CTNNA3: variants seen among roughly 807,000 people sequenced by gnomAD.
CTNNA3 encodes catenin alpha 3.
A neutral mutation model predicts 95.7 loss-of-function variants in CTNNA3; 76 were observed. The ratio of observed to expected loss-of-function variants is 0.79; its 90% CI spans 0.66 to 0.96. The LOEUF is 0.96. CTNNA3 is among the 40% of genes least tolerant of loss of function. The probability of loss-of-function intolerance (pLI) is 0.00; values close to 1 mark genes in which losing one functional copy is unlikely to be tolerated. For synonymous variants in CTNNA3, 431 were observed against 374.4 expected, an observed-to-expected ratio of 1.15 and a Z score of -1.74; for missense variants, 1,191 against 1,089.8, an observed-to-expected ratio of 1.09 and a Z score of -1.31.
At chr10:67,241,378 A>T (rs867788873) in intron 5 of CTNNA3, among the ~76,000 whole-genome samples, 43 of 152,166 alleles carry the variant, frequency 2.8e-4, no homozygotes, top group Middle Eastern at 3.4e-3. Flanking sequence ...AGCCAAGATC[A>T]TGCCACTGCC....
At chr10:67,488,939 T>C (rs1222330402) in intron 5 of CTNNA3, among the ~76,000 whole-genome samples, 2 of 152,174 alleles carry the variant, frequency 1.3e-5, no homozygotes, top group East Asian at 3.9e-4. Flanking sequence ...TTTCGCCATG[T>C]TGCCCAGGCT....
At chr10:67,295,263 A>G (rs996006529) in intron 5 of CTNNA3, among the ~76,000 whole-genome samples, 3 of 152,148 alleles carry the variant, frequency 2.0e-5, no homozygotes, top group Non-Finnish European at 2.9e-5. Flanking sequence ...AAAATACTCA[A>G]AAGAAAATTC....
chr10:67,143,258 T>C (rs141146191), intron 7 of CTNNA3, among the ~76,000 whole-genome samples: 46 of 151,570 alleles, frequency 3.0e-4, no homozygotes, highest in Non-Finnish European at 5.2e-4. Flanking sequence ...CTTGCCAACA[T>C]GGCAAAACAC....
intron 13 of CTNNA3, among the ~76,000 whole-genome samples, chr10:66,157,094 T>C (rs2084548361): frequency 6.6e-6 from 1 of 151,948 alleles, no homozygotes; most frequent in Non-Finnish European, 1.5e-5. Context: ...ATTGGTTACA[T>C]CAGTAAGTTC....
At chr10:66,051,013 C>CCAGCT (rs1025059459) in intron 15 of CTNNA3, among the ~76,000 whole-genome samples, 4 of 151,932 alleles carry the variant, frequency 2.6e-5, no homozygotes, top group African/African-American at 4.8e-5. Context: ...GCTACCATGC[C>CCAGCT]CAGCTAATAT....
chr10:66,774,130 T>C (rs1177627462), intron 8 of CTNNA3, among the ~76,000 whole-genome samples: 1 of 152,152 alleles, frequency 6.6e-6, no homozygotes, highest in Admixed American at 6.6e-5. Context: ...GTAGATTAGC[T>C]CTTTATGCAT....
chr10:65,941,027 A>T (rs2077422278), intron 17 of CTNNA3, among the ~76,000 whole-genome samples: 1 of 152,236 alleles, frequency 6.6e-6, no homozygotes, highest in African/African-American at 2.4e-5. Flanking sequence ...TAAGAAAAAG[A>T]AGATTACTTA....
chr10:66,636,413 AT>A (rs1845339369), intron 9 of CTNNA3, among the ~76,000 whole-genome samples: 1 of 151,970 alleles, frequency 6.6e-6, no homozygotes, highest in Non-Finnish European at 1.5e-5. Flanking sequence ...AATCTTAGTA[AT>A]TTTTTTAAAT....
chr10:67,038,113 ATGAG>A (rs1854176791), intron 7 of CTNNA3, among the ~76,000 whole-genome samples: 1 of 152,140 alleles, frequency 6.6e-6, no homozygotes, highest in Non-Finnish European at 1.5e-5. Context: ...TACTGTTTAT[ATGAG>A]TATTGTAGAG....
At chr10:67,350,724 T>C (rs1256893177) in intron 5 of CTNNA3, among the ~76,000 whole-genome samples, 1 of 151,732 alleles carries the variant, frequency 6.6e-6, no homozygotes, top group Admixed American at 6.6e-5. Flanking sequence ...GTAAAGCAAC[T>C]GGAGCTCTCA....
chr10:67,125,633 G>C (rs947029973), intron 7 of CTNNA3, among the ~76,000 whole-genome samples: 1 of 152,134 alleles, frequency 6.6e-6, no homozygotes, highest in Non-Finnish European at 1.5e-5. Context: ...GAAGAGAATA[G>C]AATCTACAGT....
intron 10 of CTNNA3, among the ~76,000 whole-genome samples, chr10:66,620,081 G>A (rs1844690736): frequency 6.6e-6 from 1 of 152,098 alleles, no homozygotes; most frequent in South Asian, 2.1e-4. Context: ...ATATCTGTAT[G>A]TTGAATAATA....
chr10:67,617,766 CTTT>C (rs60151492), intron 2 of CTNNA3, among the ~76,000 whole-genome samples: 2 of 138,284 alleles, frequency 1.4e-5, no homozygotes, highest in African/African-American at 2.6e-5. Flanking sequence ...CCAGCATCTG[CTTT>C]TTTTTTTTTT....
At chr10:66,604,102 G>A (rs570496540) in intron 10 of CTNNA3, among the ~76,000 whole-genome samples, 21 of 151,940 alleles carry the variant, frequency 1.4e-4, no homozygotes, top group Non-Finnish European at 2.8e-4. Flanking sequence ...AGTTAAAAAA[G>A]CTACTGCATA....
At chr10:67,673,453 A>T (rs887197351) in intron 1 of CTNNA3, among the ~76,000 whole-genome samples, 5 of 151,922 alleles carry the variant, frequency 3.3e-5, no homozygotes, top group African/African-American at 1.2e-4. Flanking sequence ...TTCAAAGGGA[A>T]TGCTTCCAGT....
chr10:66,743,105 C>T (rs183656568), intron 9 of CTNNA3, among the ~76,000 whole-genome samples: 1 of 152,178 alleles, frequency 6.6e-6, no homozygotes, highest in African/African-American at 2.4e-5. Flanking sequence ...ATGCATTTAC[C>T]TTCTTGGTAT....
intron 7 of CTNNA3, among the ~76,000 whole-genome samples, chr10:66,888,480 T>C (rs7072319): frequency 0.46 from 69,915 of 151,774 alleles, 16,502 homozygotes; most frequent in Non-Finnish European, 0.51. Flanking sequence ...AGCAACAAGA[T>C]ACACCTAGAT....
intron 13 of CTNNA3, among the ~76,000 whole-genome samples, chr10:66,238,453 T>A (rs954096874): frequency 6.6e-6 from 1 of 152,080 alleles, no homozygotes; most frequent in African/African-American, 2.4e-5. Flanking sequence ...AAAAAATTAT[T>A]GTAAACTCAA....
Position 66,862,286 on chromosome 10 carries a change from T to C in CTNNA3, c.1048-86762A>G, listed in dbSNP as rs554446361. ...AATATGCTTAAAATCTTAACTCCTGTTTATATCAATTAGCTTTGTGATAAA... is the reference window on the plus strand; with the variant it reads ...AATATGCTTAAAATCTTAACTCCTGCTTATATCAATTAGCTTTGTGATAAA... On this transcript the variant is annotated intron_variant, in intron 7 of 17. Coordinates refer to ENST00000433211, the MANE Select transcript of CTNNA3 (RefSeq NM_013266.4). 2.6e-5 allele frequency among the ~76,000 whole-genome samples: 4 copies of C among 152,292 alleles called. No individual in the cohort carries two copies. In the South Asian group the frequency reaches 8.3e-4, roughly 32 times the overall value.
Sources: allele counts gnomAD v4.1 joint callset (sites outside exome capture counted in the v4.1 genomes callset), GRCh38; gene constraint gnomAD v4.1.1; transcripts MANE v1.5; gene names NCBI Gene and HGNC (gene_info 2026-07-23, HGNC 2026-07-21).